The following JMJD1C variants were observed in gnomAD, a reference collection of about 807,000 sequenced individuals.
JMJD1C encodes jumonji domain-containing protein 1C.
A neutral mutation model predicts 245.3 loss-of-function variants in JMJD1C; 31 were observed. That is an observed-to-expected ratio of 0.13 (90% CI 0.09 to 0.17). The LOEUF is 0.17. JMJD1C is among the 10% of genes least tolerant of loss of function. The pLI is 1.00. For missense variants in JMJD1C, 2,691 were observed against 3,000.2 expected, an observed-to-expected ratio of 0.90 and a Z score of 2.41; for synonymous variants, 1,057 against 1,017.4, an observed-to-expected ratio of 1.04 and a Z score of -0.74.
rs1232390844 is a variant in JMJD1C, at chr10:63,427,516, G to A, written c.168+37979C>T. 6.2e-5 allele frequency: 83 copies of A among 1,343,416 alleles called. 1 individual carries two copies. Among genetic ancestry groups the A allele is most frequent in the Non-Finnish European group, 8.0e-5 (76 of 950,628 alleles). 83.2% of individuals were successfully genotyped at this position (1,343,416 alleles called of 1,614,324 possible). ...GGCCAAGCAACTGTTTCCTGCCAATGTTCTTCATTCAGTGTACATCCTGGA... is the reference window on the plus strand; with the variant it reads ...GGCCAAGCAACTGTTTCCTGCCAATATTCTTCATTCAGTGTACATCCTGGA... On this transcript the variant is annotated intron_variant, in intron 1 of 25. Coordinates refer to ENST00000399262, the MANE Select transcript of JMJD1C (RefSeq NM_032776.3).
intron 1 of JMJD1C, among the ~76,000 whole-genome samples, chr10:63,437,510 C>CTA (rs1951124795): frequency 6.6e-6 from 1 of 152,198 alleles, no homozygotes; most frequent in South Asian, 2.1e-4. Context: ...AGACAGGGTT[C>CTA]TAGTAATTCC....
chr10:63,360,135 T>C (rs1000841584), intron 2 of JMJD1C, among the ~76,000 whole-genome samples: 2 of 151,856 alleles, frequency 1.3e-5, no homozygotes, highest in African/African-American at 4.8e-5. Flanking sequence ...CATAGCAAGA[T>C]CCCCCATCTC....
At chr10:63,264,153 A>G (rs2133777154) in intron 3 of JMJD1C, among the ~76,000 whole-genome samples, 1 of 152,136 alleles carries the variant, frequency 6.6e-6, no homozygotes, top group East Asian at 1.9e-4. Context: ...AATTAAATGT[A>G]TTTGTATTTA....
At chr10:63,299,757 C>T (rs1316423366) in intron 2 of JMJD1C, among the ~76,000 whole-genome samples, 2 of 151,998 alleles carry the variant, frequency 1.3e-5, no homozygotes, top group African/African-American at 4.8e-5. Context: ...TTCCAAGAAA[C>T]TCTACAAGAA....
chr10:63,187,600 G>A (rs1042828313), intron 18 of JMJD1C, among the ~76,000 whole-genome samples: 1 of 151,954 alleles, frequency 6.6e-6, no homozygotes, highest in African/African-American at 2.4e-5. Flanking sequence ...ACCACGTCTG[G>A]CTAATTAAAA....
chr10:63,225,136 T>C (rs1458382408), intron 3 of JMJD1C, among the ~76,000 whole-genome samples: 1 of 152,088 alleles, frequency 6.6e-6, no homozygotes, highest in African/African-American at 2.4e-5. Flanking sequence ...CTATAAGTAG[T>C]TACCTATATA....
chr10:63,290,354 A>C (rs1053367516), intron 2 of JMJD1C, among the ~76,000 whole-genome samples: 1 of 152,066 alleles, frequency 6.6e-6, no homozygotes, highest in African/African-American at 2.4e-5. Context: ...GGATCACCTG[A>C]GATCAGGAGT....
intron 19 of JMJD1C, 30 bp from the exon 20 acceptor site, chr10:63,185,683 G>A (rs1259757820): frequency 3.3e-6 from 4 of 1,207,930 alleles, no homozygotes; most frequent in South Asian, 1.3e-5. Flanking sequence ...TTACTAAAAG[G>A]GTAATTTCTG....
intron 1 of JMJD1C, among the ~76,000 whole-genome samples, chr10:63,426,532 G>A (rs183146410): frequency 3.3e-5 from 5 of 152,226 alleles, no homozygotes; most frequent in Non-Finnish European, 2.9e-5. Flanking sequence ...TTAGCTGGGC[G>A]TGGTGGTGCG....
intron 3 of JMJD1C, among the ~76,000 whole-genome samples, chr10:63,236,813 G>A (rs547492948): frequency 6.6e-6 from 1 of 152,070 alleles, no homozygotes; most frequent in Non-Finnish European, 1.5e-5. Context: ...GAAAATTCCT[G>A]TGCACAAACT....
At chr10:63,377,287 T>G (rs921951885) in intron 2 of JMJD1C, among the ~76,000 whole-genome samples, 1 of 152,178 alleles carries the variant, frequency 6.6e-6, no homozygotes, top group Admixed American at 6.6e-5. Flanking sequence ...AGTTTCAGTT[T>G]TGCAAGACAG....
At chr10:63,519,486 G>C (rs929745934) in intron 1 of JMJD1C, among the ~76,000 whole-genome samples, 3 of 152,182 alleles carry the variant, frequency 2.0e-5, no homozygotes, top group Non-Finnish European at 4.4e-5. Context: ...AGGCTAGATA[G>C]TTGGAAAACA....
intron 1 of JMJD1C, among the ~76,000 whole-genome samples, chr10:63,435,496 A>G (rs569384882): frequency 1.3e-5 from 2 of 152,300 alleles, no homozygotes; most frequent in East Asian, 3.9e-4. Context: ...AAACTTGGAA[A>G]AGAAATTTCT....
intron 1 of JMJD1C, chr10:63,489,467 C>G (rs1176229131): frequency 6.5e-6 from 1 of 153,538 alleles, no homozygotes; most frequent in Non-Finnish European, 1.5e-5. Flanking sequence ...CATGGCAGGT[C>G]AAGTGTTTAG....
intron 10 of JMJD1C, chr10:63,203,126 A>C (rs1344241467): frequency 1.0e-6 from 1 of 985,110 alleles, no homozygotes; most frequent in Non-Finnish European, 1.2e-6. Flanking sequence ...TTAAGGCCCA[A>C]TTCATACGTA....
At chr10:63,243,682 AGT>A (rs1168793171) in intron 3 of JMJD1C, among the ~76,000 whole-genome samples, 1 of 152,190 alleles carries the variant, frequency 6.6e-6, no homozygotes, top group Non-Finnish European at 1.5e-5. Context: ...ACAGACTTCC[AGT>A]TCCAAAATGA....
chr10:63,189,538 T>C (rs1330559491), intron 17 of JMJD1C, 92 bp from the exon 18 acceptor site: 7 of 987,036 alleles, frequency 7.1e-6, no homozygotes, highest in Admixed American at 5.5e-5. Flanking sequence ...TTAAACAATA[T>C]CCCTACACTC....
chr10:63,442,434 C>T (rs544030158), intron 1 of JMJD1C, among the ~76,000 whole-genome samples: 1 of 152,162 alleles, frequency 6.6e-6, no homozygotes, highest in Admixed American at 6.5e-5. Context: ...GACTCAAGAA[C>T]GATTAAACTT....
At chr10:63,348,010 C>T (rs867766084) in intron 2 of JMJD1C, among the ~76,000 whole-genome samples, 2 of 151,978 alleles carry the variant, frequency 1.3e-5, no homozygotes, top group South Asian at 2.1e-4. Context: ...GTCAGGAGTT[C>T]GAGATCAGCC....
Sources: allele counts gnomAD v4.1 joint callset (sites outside exome capture counted in the v4.1 genomes callset), GRCh38; gene constraint gnomAD v4.1.1; transcripts MANE v1.5; gene names NCBI Gene and HGNC (gene_info 2026-07-23, HGNC 2026-07-21).